Variants in CCDC146 observed in about 807,000 individuals in gnomAD.
The protein encoded by CCDC146 is coiled-coil domain-containing protein 146.
CCDC146 carries 92 observed loss-of-function variants against 119.3 expected under a neutral mutation model. That is an observed-to-expected ratio of 0.77 (90% CI 0.65 to 0.92). The LOEUF (loss-of-function observed/expected upper bound fraction) is 0.92. Ranked by LOEUF, CCDC146 falls within the 40% of genes least tolerant of loss-of-function variation. The pLI, the probability that CCDC146 is intolerant of heterozygous loss-of-function variation, is 0.00. For missense variants in CCDC146, 1,000 were observed against 1,103.0 expected (o/e 0.91, Z 1.32); for synonymous variants, 372 against 371.8 (o/e 1.00, Z -0.01).
intron 1 of CCDC146, among the ~76,000 whole-genome samples, chr7:77,149,869 A>G (rs1444552414): frequency 6.6e-6 from 1 of 152,156 alleles, no homozygotes; most frequent in African/African-American, 2.4e-5. Flanking sequence ...ATAGATACAT[A>G]TGGAACAGAA....
rs1439042827 is a variant in CCDC146, at chr7:77,254,502, G to A, written c.450-4G>A. ...TTTTCAAACTTGATTTTTTTTTTTT[G>A]CAGCTTAAAGGAAGAAAAAATCATC... On this transcript the variant is annotated splice_region_variant and splice_polypyrimidine_tract_variant and intron_variant, in intron 4 of 18. Transcript: ENST00000285871. 1 of 1,432,536 alleles carries A rather than the reference G, an allele frequency of 7.0e-7. No homozygotes were observed. Among genetic ancestry groups the A allele is most frequent in the Non-Finnish European group, 9.6e-7 (1 of 1,045,970 alleles). The allele number at this position is 1,432,536 out of a possible 1,614,324, so 88.7% of individuals were successfully genotyped here.
At position 77,250,008 on chromosome 7, in the gene CCDC146, T is replaced by C. The variant is rs552565014; in HGVS notation, c.450-4498T>C. ...TTACTTTAAGTGGTTGCCATGGAGTTTGCAATATACATTTACAACTAATTT... is the reference window on the plus strand; with the variant it reads ...TTACTTTAAGTGGTTGCCATGGAGTCTGCAATATACATTTACAACTAATTT... On this transcript the variant is annotated intron_variant, in intron 4 of 18. Transcript: ENST00000285871. Among the ~76,000 whole-genome samples the C allele has an allele frequency of 9.2e-5, 14 of 152,308 alleles. No individual in the cohort carries two copies. The East Asian group carries it at 2.5e-3, about 27-fold the overall frequency.
intron 11 of CCDC146, among the ~76,000 whole-genome samples, chr7:77,276,401 G>A (rs913301379): frequency 6.6e-6 from 1 of 151,932 alleles, no homozygotes; most frequent in African/African-American, 2.4e-5. Context: ...GCAAAAAAGA[G>A]AAGATCTACA....
chr7:77,133,125 C>T (rs2117397948), intron 1 of CCDC146, among the ~76,000 whole-genome samples: 1 of 151,924 alleles, frequency 6.6e-6, no homozygotes, highest in Non-Finnish European at 1.5e-5. Context: ...GAACCGAGAT[C>T]ACGCCACTGC....
At chr7:77,123,097 C>A (rs2537471) in intron 1 of CCDC146, among the ~76,000 whole-genome samples, 78,380 of 139,136 alleles carry the variant, frequency 0.56, 22,736 homozygotes, top group Non-Finnish European at 0.61. Flanking sequence ...CACAGTCTAC[C>A]AAATTACCGT....
At chr7:77,287,058 G>T (rs1050987591) in intron 16 of CCDC146, 132 bp downstream of exon 16, 22 of 985,694 alleles carry the variant, frequency 2.2e-5, no homozygotes, top group Non-Finnish European at 3.0e-5. Context: ...TAGTCCTTTT[G>T]TTGTAATCTA....
chr7:77,237,567 A>T (rs1792761475), intron 3 of CCDC146, among the ~76,000 whole-genome samples: 2 of 152,254 alleles, frequency 1.3e-5, no homozygotes, highest in East Asian at 3.9e-4. Flanking sequence ...TCTGCATAGG[A>T]CACACCTGCA....
At chr7:77,257,554 A>G (rs1477302010) in intron 6 of CCDC146, among the ~76,000 whole-genome samples, 2 of 152,146 alleles carry the variant, frequency 1.3e-5, no homozygotes, top group African/African-American at 4.8e-5. Context: ...CTCTTCCAAG[A>G]TGCTGCACCT....
chr7:77,144,980 T>C (rs1011048463), intron 1 of CCDC146, among the ~76,000 whole-genome samples: 4 of 151,818 alleles, frequency 2.6e-5, no homozygotes, highest in African/African-American at 9.7e-5. Flanking sequence ...CTGGAATAGT[T>C]TCAGAAGGAA....
intron 1 of CCDC146, among the ~76,000 whole-genome samples, chr7:77,138,607 AG>A (rs1438534808): frequency 6.6e-6 from 1 of 152,244 alleles, no homozygotes; most frequent in Non-Finnish European, 1.5e-5. Context: ...ACAGGCTGGG[AG>A]AAAATATTTG....
At chr7:77,155,817 T>C (rs1448594494) in intron 1 of CCDC146, among the ~76,000 whole-genome samples, 1 of 152,160 alleles carries the variant, frequency 6.6e-6, no homozygotes, top group Non-Finnish European at 1.5e-5. Flanking sequence ...CATGTCTGTT[T>C]CTATGGCAGT....
chr7:77,269,253 A>G (rs1346980768), intron 9 of CCDC146, among the ~76,000 whole-genome samples: 1 of 151,824 alleles, frequency 6.6e-6, no homozygotes, highest in Non-Finnish European at 1.5e-5. Context: ...CATACTTTAT[A>G]TTTCCTTGTG....
chr7:77,173,756 T>G (rs1345787478), intron 2 of CCDC146, among the ~76,000 whole-genome samples: 1 of 152,070 alleles, frequency 6.6e-6, no homozygotes, highest in African/African-American at 2.4e-5. Context: ...GGCCTGGTAC[T>G]CCAGACTTTT....
At chr7:77,226,501 A>G (rs1792516925) in intron 2 of CCDC146, among the ~76,000 whole-genome samples, 1 of 152,230 alleles carries the variant, frequency 6.6e-6, no homozygotes. Flanking sequence ...AATGTCCTAG[A>G]ATTTCCATTT....
chr7:77,180,739 G>A (rs771328761), intron 2 of CCDC146, among the ~76,000 whole-genome samples: 5 of 152,084 alleles, frequency 3.3e-5, no homozygotes, highest in Non-Finnish European at 5.9e-5. Flanking sequence ...TATATACCCG[G>A]AAGTGGAATG....
At chr7:77,209,025 C>T (rs1480245727) in intron 2 of CCDC146, among the ~76,000 whole-genome samples, 1 of 152,154 alleles carries the variant, frequency 6.6e-6, no homozygotes. Flanking sequence ...CATTTCACCT[C>T]CGGCCCCTCC....
chr7:77,209,312 C>T (rs1792138630), intron 2 of CCDC146, among the ~76,000 whole-genome samples: 1 of 152,212 alleles, frequency 6.6e-6, no homozygotes, highest in Admixed American at 6.5e-5. Flanking sequence ...ATCCAAAACC[C>T]AGCAGGGCAG....
chr7:77,262,307 G>A lies in CCDC146; in HGVS notation c.1173G>A (p.Glu391=), dbSNP rs548382502. 1.0e-5 allele frequency: 16 copies of A among 1,562,264 alleles called. No homozygotes were observed. The highest frequency in any genetic ancestry group is 4.7e-5 in the East Asian group (2 of 42,980). Residue 391 remains glutamate, a splice_region_variant and synonymous_variant, in exon 9 of 19, where the codon GAG becomes GAA. Transcript: ENST00000285871. The stretch of plus-strand genomic sequence containing the variant: ...CACTGCATCAAAGGCTTCTATTAGA[G>A]GTGAGGGCTGTAAACTACCATCTGA... ...TQALHQRLLL[E]MEAIPKDDST...
chr7:77,265,097 G>A (rs61157503), intron 9 of CCDC146, among the ~76,000 whole-genome samples: 8,243 of 152,224 alleles, frequency 0.054, 289 homozygotes, highest in African/African-American at 0.097. Context: ...ATCTTAGCCC[G>A]AAGCACAGCA....
Sources: gnomAD v4.1 joint callset for allele counts (sites outside exome capture counted in the v4.1 genomes callset) on GRCh38, gnomAD v4.1.1 for gene constraint, MANE v1.5 for transcripts, NCBI Gene and HGNC (gene_info 2026-07-23, HGNC 2026-07-21) for gene names.